The following FBXW11 variants were observed in gnomAD, a reference collection of about 807,000 sequenced individuals.
FBXW11 encodes F-box and WD repeat domain containing 11.
Under a neutral mutation model 77.6 loss-of-function variants are expected in FBXW11, and 19 were observed. The ratio of observed to expected loss-of-function variants is 0.24; its 90% CI spans 0.17 to 0.36. The LOEUF (loss-of-function observed/expected upper bound fraction) is 0.36. FBXW11 is among the 10% of genes least tolerant of loss of function. FBXW11 has a pLI of 1.00. For synonymous variants in FBXW11, 235 were observed against 249.4 expected (o/e 0.94, Z 0.54); for missense variants, 334 against 704.2 (o/e 0.47, Z 5.95).
At chr5:171,886,709 A>G (rs1758918217) in intron 7 of FBXW11, among the ~76,000 whole-genome samples, 1 of 152,146 alleles carries the variant, frequency 6.6e-6, no homozygotes, top group South Asian at 2.1e-4. Flanking sequence ...GCTATCAAGT[A>G]TATATAAAAA....
intron 1 of FBXW11, among the ~76,000 whole-genome samples, chr5:171,992,582 C>G (rs1473868626): frequency 1.2e-4 from 18 of 152,124 alleles, no homozygotes; most frequent in Admixed American, 1.0e-3. Context: ...AATAACACCT[C>G]TTGGTCAACA....
chr5:171,908,570 G>A (rs1451599589), intron 4 of FBXW11: 2 of 152,138 alleles, frequency 1.3e-5, no homozygotes, highest in African/African-American at 4.8e-5. Flanking sequence ...GAGGATTTAC[G>A]TTTTGCTTTC....
intron 2 of FBXW11, among the ~76,000 whole-genome samples, chr5:171,944,497 C>A (rs1332102663): frequency 6.6e-6 from 1 of 150,576 alleles, no homozygotes; most frequent in Non-Finnish European, 1.5e-5. Flanking sequence ...ATGGCGTGAA[C>A]CCCGGCAGGG....
intron 1 of FBXW11, among the ~76,000 whole-genome samples, chr5:171,973,271 GAACA>G (rs1173841958): frequency 6.6e-6 from 1 of 152,108 alleles, no homozygotes; most frequent in African/African-American, 2.4e-5. Context: ...AAGTTATACA[GAACA>G]AATAAGCAAC....
intron 2 of FBXW11, among the ~76,000 whole-genome samples, chr5:171,933,646 A>G (rs148896076): frequency 1.4e-4 from 22 of 152,296 alleles, no homozygotes; most frequent in African/African-American, 5.3e-4. Flanking sequence ...AGGATCCTGC[A>G]AGAAAAGAAT....
intron 3 of FBXW11, 57 bp downstream of exon 3, chr5:171,914,286 G>T: frequency 3.5e-6 from 5 of 1,421,918 alleles, no homozygotes; most frequent in Non-Finnish European, 4.9e-6. Context: ...TTAACTGAGG[G>T]AGCATCCTAT....
intron 1 of FBXW11, among the ~76,000 whole-genome samples, chr5:171,973,426 G>A (rs1383318628): frequency 6.6e-6 from 1 of 152,160 alleles, no homozygotes; most frequent in Non-Finnish European, 1.5e-5. Context: ...ACAAGCTAAT[G>A]CAATAATTTG....
intron 1 of FBXW11, among the ~76,000 whole-genome samples, chr5:171,980,764 C>A (rs1054514994): frequency 1.3e-5 from 2 of 152,158 alleles, no homozygotes; most frequent in African/African-American, 2.4e-5. Flanking sequence ...AAAGATCTGG[C>A]AGTTTCTTGA....
At chr5:171,921,256 T>C (rs1761580767) in intron 2 of FBXW11, among the ~76,000 whole-genome samples, 1 of 152,234 alleles carries the variant, frequency 6.6e-6, no homozygotes, top group Admixed American at 6.5e-5. Context: ...AGCAGTGATA[T>C]ATGTTTAACA....
chr5:171,962,002 T>G (rs181107651), intron 1 of FBXW11, among the ~76,000 whole-genome samples: 1 of 152,232 alleles, frequency 6.6e-6, no homozygotes, highest in South Asian at 2.1e-4. Context: ...TGGAAACCCA[T>G]GTTGATCATT....
At position 171,869,761 on chromosome 5, in the gene FBXW11, G is replaced by A; in HGVS notation, c.1498C>T (p.Pro500Ser). ...GTGCGCAAACACAATGTGCTTGCTGGGGCTCGAGGGTCAAGAGCAGCTTGC... is the reference window on the plus strand; with the variant it reads ...GTGCGCAAACACAATGTGCTTGCTGAGGCTCGAGGGTCAAGAGCAGCTTGC... ...DLQAALDPRAPASTLCLRTLV... is the reference protein window; with the variant it reads ...DLQAALDPRASASTLCLRTLV... Residue 500 changes from proline to serine, a missense_variant, in exon 12 of 14, where the codon CCA becomes TCA. By Grantham distance (74) the Pro-to-Ser change is moderately conservative. Coordinates refer to ENST00000517395, the MANE Select transcript of FBXW11 (RefSeq NM_001378974.1). This position sits in a 1 kb window ranked among gnomAD's most constrained non-coding sequence, Gnocchi z 4.1. The A allele has an allele frequency of 6.2e-7, 1 of 1,611,042 alleles. No homozygotes were observed.
chr5:171,957,129 T>G (rs1184694791), intron 2 of FBXW11, among the ~76,000 whole-genome samples: 1 of 152,216 alleles, frequency 6.6e-6, no homozygotes, highest in Non-Finnish European at 1.5e-5. Context: ...AACTTCAGTT[T>G]GAGGCTTTAT....
At chr5:171,877,860 A>G (rs1758204969) in intron 8 of FBXW11, 151 bp downstream of exon 8, 1 of 646,202 alleles carries the variant, frequency 1.5e-6, no homozygotes, top group East Asian at 2.7e-5. Context: ...TTTCCTGCCT[A>G]ATTTGCGCAA....
intron 1 of FBXW11, among the ~76,000 whole-genome samples, chr5:171,962,659 T>G (rs1027931940): frequency 6.6e-6 from 1 of 152,034 alleles, no homozygotes; most frequent in African/African-American, 2.4e-5. Context: ...AAGCAAAAAG[T>G]TTATTAAAAG....
chr5:171,881,442 C>T lies in FBXW11; in HGVS notation c.853-3313G>A, dbSNP rs76339409. Among the ~76,000 whole-genome samples the T allele has an allele frequency of 3.7e-4, 57 of 152,186 alleles. 1 individual carries two copies. The highest frequency in any genetic ancestry group is 1.1e-3 in the African/African-American group (47 of 41,524). On this transcript the variant is annotated intron_variant, in intron 7 of 13. Coordinates refer to ENST00000517395, the MANE Select transcript of FBXW11 (RefSeq NM_001378974.1). ...CGAAAGAGTGTTCAATTTTCTCAAA[C>T]GCCCTTTCTGCATCTATTGACGTGA...
intron 7 of FBXW11, among the ~76,000 whole-genome samples, chr5:171,885,288 C>G (rs1004908812): frequency 3.3e-5 from 5 of 152,180 alleles, no homozygotes; most frequent in Admixed American, 1.3e-4. Flanking sequence ...TCTGGTAGAG[C>G]TCTTGCAGGT....
At chr5:171,981,510 G>C (rs554151783) in intron 1 of FBXW11, among the ~76,000 whole-genome samples, 3 of 152,104 alleles carry the variant, frequency 2.0e-5, no homozygotes, top group Admixed American at 6.6e-5. Context: ...TAATTTAAGG[G>C]ATCTCACTAG....
chr5:171,998,336 C>CTTGTTTTTTTTTTTTTTT (rs1766189674), intron 1 of FBXW11, among the ~76,000 whole-genome samples: 1 of 114,834 alleles, frequency 8.7e-6, no homozygotes. Flanking sequence ...TTTTTCTTGT[C>CTTGTTTTTTTTTTTTTTT]TTTTTTTTTT....
At chr5:171,944,817 C>A (rs1762927091) in intron 2 of FBXW11, among the ~76,000 whole-genome samples, 2 of 152,102 alleles carry the variant, frequency 1.3e-5, no homozygotes, top group Non-Finnish European at 2.9e-5. Flanking sequence ...GGAATACTTA[C>A]ATTCACAGAA....
Sources: gnomAD v4.1 joint callset for allele counts (sites outside exome capture counted in the v4.1 genomes callset) on GRCh38, gnomAD v4.1.1 for gene constraint, Gnocchi (gnomAD v3.1) non-coding constraint, MANE v1.5 for transcripts, NCBI Gene and HGNC (gene_info 2026-07-23, HGNC 2026-07-21) for gene names.